BMP2K: variants seen among roughly 807,000 people sequenced by gnomAD.
The protein encoded by BMP2K is BMP2 inducible kinase.
Under a neutral mutation model 116.0 loss-of-function variants are expected in BMP2K, and 74 were observed. The ratio of observed to expected loss-of-function variants is 0.64; its 90% CI spans 0.53 to 0.77. BMP2K has a LOEUF of 0.77. Ranked by LOEUF, BMP2K falls within the 30% of genes least tolerant of loss-of-function variation. The pLI, the probability that BMP2K is intolerant of heterozygous loss-of-function variation, is 0.00. For synonymous variants in BMP2K, 486 were observed against 502.5 expected (o/e 0.97, Z 0.44); for missense variants, 1,365 against 1,403.6 (o/e 0.97, Z 0.44).
intron 1 of BMP2K, among the ~76,000 whole-genome samples, chr4:78,791,718 G>T (rs1337157871): frequency 6.6e-6 from 1 of 152,066 alleles, no homozygotes; most frequent in Non-Finnish European, 1.5e-5. Flanking sequence ...AGCATTTTGT[G>T]TCTGGCTTAT....
rs1392347546 is a variant in BMP2K, at chr4:78,822,895, G to A, written c.179-3142G>A. Among the ~76,000 whole-genome samples, 5 of 152,214 alleles carry A rather than the reference G, an allele frequency of 3.3e-5. No homozygotes were observed. In the East Asian group the frequency reaches 9.6e-4, roughly 29 times the overall value. ...TTAAGAATTTGATAAGCTATAGATT[G>A]GTGGCAAGTATTACACCCCTCTCTT... On this transcript the variant is annotated intron_variant, in intron 1 of 15. Transcript: ENST00000502613.
rs767882432 is a variant in BMP2K, at chr4:78,911,610, C to G, written c.3063C>G (p.His1021Gln). 6.2e-7 allele frequency: 1 copy of G among 1,613,668 alleles called. No homozygotes were observed. Among genetic ancestry groups the G allele is most frequent in the Non-Finnish European group, 8.5e-7 (1 of 1,179,796 alleles). The change falls in exon 16 of 16, where the codon CAC (histidine) becomes CAG (glutamine). Residue 1021 changes from histidine to glutamine, a missense_variant. By Grantham distance (24) the His-to-Gln change is conservative. Around this residue, in one of 3 missense-constraint regions of BMP2K, gnomAD observed 596 missense variants for 623.2 expected, o/e 0.96. Transcript: ENST00000502613. ...GCACTCCAGAGAGGGCTCGCAGGCACAAAAAAGTGGGCCGCCGAGACTCTC... is the reference window on the plus strand; with the variant it reads ...GCACTCCAGAGAGGGCTCGCAGGCAGAAAAAAGTGGGCCGCCGAGACTCTC... ...TYRTPERARR[H>Q]KKVGRRDSQS...
Position 78,911,698 on chromosome 4 carries a change from G to T in BMP2K, c.3151G>T (p.Asp1051Tyr), listed in dbSNP as rs762599499. 31 of 1,613,786 alleles carry T rather than the reference G, an allele frequency of 1.9e-5. 1 individual carries two copies. The South Asian group carries it at 3.4e-4, about 18-fold the overall frequency. Residue 1051 changes from aspartate to tyrosine, a missense_variant, in exon 16 of 16, where the codon GAT (aspartate) becomes TAT (tyrosine). This residue lies in a region of BMP2K where 596 missense variants were observed against 623.2 expected (regional missense o/e 0.96). Coordinates refer to ENST00000502613, the MANE Select transcript of BMP2K (RefSeq NM_198892.2). ...GGAGAACATTAGTGTTGCACTGACTGATGGGAAAGATAGGGGGAATGTCTT... is the reference window on the plus strand; with the variant it reads ...GGAGAACATTAGTGTTGCACTGACTTATGGGAAAGATAGGGGGAATGTCTT... Reference protein sequence around the residue: ...SKENISVALTDGKDRGNVLQP... With the variant: ...SKENISVALTYGKDRGNVLQP...
intron 3 of BMP2K, among the ~76,000 whole-genome samples, chr4:78,834,742 G>GA (rs1318936517): frequency 6.6e-6 from 1 of 152,148 alleles, no homozygotes; most frequent in East Asian, 1.9e-4. Context: ...TGCGGAAAAA[G>GA]AGGGGGATGA....
intron 13 of BMP2K, among the ~76,000 whole-genome samples, chr4:78,877,309 T>A (rs561086986): frequency 6.6e-6 from 1 of 152,312 alleles, no homozygotes; most frequent in African/African-American, 2.4e-5. Context: ...TTAAAAACAT[T>A]TTGACTCTTT....
At chr4:78,796,103 G>A (rs185665060) in intron 1 of BMP2K, among the ~76,000 whole-genome samples, 60 of 152,230 alleles carry the variant, frequency 3.9e-4, no homozygotes, top group African/African-American at 1.3e-3. Context: ...TATGTTTATC[G>A]CAGCAGCATT....
In BMP2K at chr4:78,910,645, A is replaced by G. The variant is rs1346091342; in HGVS notation, c.2098A>G (p.Asn700Asp). Residue 700 changes from asparagine to aspartate, a missense_variant, in exon 16 of 16, where the codon AAT (asparagine) becomes GAT (aspartate). By Grantham distance (23) the Asn-to-Asp change is conservative. This residue lies in a region of BMP2K where 596 missense variants were observed against 623.2 expected (regional missense o/e 0.96). Coordinates refer to ENST00000502613, the MANE Select transcript of BMP2K (RefSeq NM_198892.2). The part of the protein sequence containing the change: ...PEKKAEHSSI[N>D]QENGTANPIK... The stretch of plus-strand genomic sequence containing the variant: ...AAAGAAAGCTGAACATTCATCTATA[A>G]ATCAAGAAAATGGCACTGCAAACCC... 6 of 1,559,858 alleles carry G rather than the reference A, an allele frequency of 3.8e-6. No individual in the cohort carries two copies. The highest frequency in any genetic ancestry group is 5.2e-6 in the Non-Finnish European group (6 of 1,160,776).
At position 78,816,782 on chromosome 4, in the gene BMP2K, G is replaced by A. The variant is rs903185434; in HGVS notation, c.179-9255G>A. The stretch of plus-strand genomic sequence containing the variant: ...TTCCCTCTTATGGGAAATCAGAGGC[G>A]CTTGGTTAATTCATAGGTAACTGGA... On this transcript the variant is annotated intron_variant, in intron 1 of 15. Coordinates refer to ENST00000502613, the MANE Select transcript of BMP2K (RefSeq NM_198892.2). Among the ~76,000 whole-genome samples the A allele has an allele frequency of 6.6e-5, 10 of 152,258 alleles. 1 individual carries two copies. Among genetic ancestry groups the A allele is most frequent in the Middle Eastern group, 6.8e-3 (2 of 294 alleles).
At chr4:78,859,919 A>G (rs1402154251) in intron 8 of BMP2K, 7 of 555,832 alleles carry the variant, frequency 1.3e-5, no homozygotes, top group African/African-American at 9.5e-5. Context: ...AATATTTTGC[A>G]TTTTTGAGGA....
At chr4:78,801,417 GA>G (rs1728564028) in intron 1 of BMP2K, among the ~76,000 whole-genome samples, 2 of 151,342 alleles carry the variant, frequency 1.3e-5, no homozygotes, top group South Asian at 4.2e-4. Flanking sequence ...TCCATTGTAA[GA>G]TAAACAGTGT....
chr4:78,911,926 C>G lies in BMP2K; in HGVS notation c.3379C>G (p.Pro1127Ala), dbSNP rs771720782. ...GAAAATGGATGATTTTGGTGCCGTG[C>G]CCTTTACAGAACTTGTGGTGCAAAG... ...VLKMDDFGAV[P>A]FTELVVQSIT... Residue 1127 changes from proline (P) to alanine (A), a missense_variant, in exon 16 of 16, where the codon CCC (proline) becomes GCC (alanine). Coordinates refer to ENST00000502613, the MANE Select transcript of BMP2K (RefSeq NM_198892.2). 13 of 1,613,968 alleles carry G rather than the reference C, an allele frequency of 8.1e-6. No individual in the cohort carries two copies. The highest frequency in any genetic ancestry group is 1.1e-5 in the Non-Finnish European group (13 of 1,179,878).
chr4:78,846,959 A>ATT (rs1731032686), intron 5 of BMP2K, among the ~76,000 whole-genome samples: 1 of 151,548 alleles, frequency 6.6e-6, no homozygotes, highest in Non-Finnish European at 1.5e-5. Context: ...AAGCTTTTAG[A>ATT]TTATTAGAAA....
rs1733131816 is a variant in BMP2K at position 78,887,061 on chromosome 4, C to T, written c.1952-113C>T. On this transcript the variant is annotated intron_variant, in intron 14 of 15. Transcript: ENST00000502613. ...GATAGATTCTGAACCTAATGTTTTGCAAAAAGGCTGGTGCTTTAATTTTCA... is the reference window on the plus strand; with the variant it reads ...GATAGATTCTGAACCTAATGTTTTGTAAAAAGGCTGGTGCTTTAATTTTCA... 7.1e-6 allele frequency: 5 copies of T among 705,794 alleles called. No homozygotes were observed. In the South Asian group the frequency reaches 9.8e-5, roughly 14 times the overall value. The allele number at this position is 705,794 out of a possible 1,614,324, so 43.7% of individuals were successfully genotyped here.
intron 7 of BMP2K, among the ~76,000 whole-genome samples, chr4:78,852,712 C>G (rs374019930): frequency 6.6e-6 from 1 of 152,048 alleles, no homozygotes; most frequent in Non-Finnish European, 1.5e-5. Context: ...CTCAAGTGAT[C>G]CTCCCACCTC....
chr4:78,906,419 C>T (rs191964532), intron 15 of BMP2K, among the ~76,000 whole-genome samples: 1 of 152,146 alleles, frequency 6.6e-6, no homozygotes, highest in Non-Finnish European at 1.5e-5. Flanking sequence ...CCCCAGTTGC[C>T]CGTACTATTT....
intron 3 of BMP2K, among the ~76,000 whole-genome samples, chr4:78,834,703 C>A (rs1730381404): frequency 6.6e-6 from 1 of 152,120 alleles, no homozygotes; most frequent in South Asian, 2.1e-4. Flanking sequence ...TAATTACTAT[C>A]CCAGAAACTC....
intron 10 of BMP2K, among the ~76,000 whole-genome samples, chr4:78,869,725 A>G (rs1342469880): frequency 6.6e-6 from 1 of 152,222 alleles, no homozygotes; most frequent in East Asian, 1.9e-4. Context: ...TCAACTGGAA[A>G]GAAATACACT....
intron 1 of BMP2K, among the ~76,000 whole-genome samples, chr4:78,787,236 C>T (rs1418000496): frequency 2.0e-5 from 3 of 152,136 alleles, no homozygotes; most frequent in Non-Finnish European, 4.4e-5. Flanking sequence ...AGAAGGCTGA[C>T]TCTGTTTTTG....
At chr4:78,909,660 A>T (rs1228126046) in intron 15 of BMP2K, among the ~76,000 whole-genome samples, 2 of 151,984 alleles carry the variant, frequency 1.3e-5, no homozygotes, top group Non-Finnish European at 2.9e-5. Flanking sequence ...GCTCCTTCTC[A>T]TTGTTCAATC....
Sources: allele counts gnomAD v4.1 joint callset (sites outside exome capture counted in the v4.1 genomes callset), GRCh38; gene constraint gnomAD v4.1.1; regional missense constraint gnomAD v4.1.1; transcripts MANE v1.5; gene names NCBI Gene and HGNC (gene_info 2026-07-23, HGNC 2026-07-21).